The following PXDNL variants were observed in gnomAD, a reference collection of about 807,000 sequenced individuals.
PXDNL encodes the protein probable oxidoreductase PXDNL.
A neutral mutation model predicts 150.8 loss-of-function variants in PXDNL; 145 were observed. The ratio of observed to expected loss-of-function variants is 0.96; its 90% CI spans 0.84 to 1.10. The LOEUF is 1.10. Ranked by LOEUF, PXDNL falls within the 50% of genes least tolerant of loss-of-function variation. PXDNL has a pLI of 0.00. For missense variants in PXDNL, 2,087 were observed against 1,873.9 expected (o/e 1.11, Z -2.10); for synonymous variants, 757 against 725.7 (o/e 1.04, Z -0.69).
intron 3 of PXDNL, among the ~76,000 whole-genome samples, chr8:51,591,477 G>A (rs1316696123): frequency 1.1e-4 from 15 of 141,868 alleles, no homozygotes; most frequent in Admixed American, 2.9e-4. Flanking sequence ...CAGTGGTTTC[G>A]GGAGATACTA....
At chr8:51,568,478 TA>T (rs2130584061) in intron 3 of PXDNL, among the ~76,000 whole-genome samples, 1 of 152,038 alleles carries the variant, frequency 6.6e-6, no homozygotes, top group African/African-American at 2.4e-5. Context: ...GTGTAATTTG[TA>T]TCCTTTTTCC....
intron 4 of PXDNL, among the ~76,000 whole-genome samples, chr8:51,530,737 C>A (rs1464489157): frequency 6.6e-6 from 1 of 152,150 alleles, no homozygotes; most frequent in Admixed American, 6.5e-5. Flanking sequence ...TCCCTCCAGG[C>A]CTCAGTCCTG....
intron 1 of PXDNL, among the ~76,000 whole-genome samples, chr8:51,674,956 C>T (rs745383550): frequency 5.3e-5 from 8 of 152,184 alleles, no homozygotes; most frequent in Non-Finnish European, 1.0e-4. Flanking sequence ...TTTCTTAATT[C>T]GATGACCTGG....
At chr8:51,661,639 C>T (rs1815272371) in intron 1 of PXDNL, among the ~76,000 whole-genome samples, 2 of 152,100 alleles carry the variant, frequency 1.3e-5, no homozygotes, top group Non-Finnish European at 2.9e-5. Context: ...CAGCCAGCCC[C>T]CACAATTGTG....
At chr8:51,645,864 G>T (rs968112720) in intron 2 of PXDNL, among the ~76,000 whole-genome samples, 1 of 152,168 alleles carries the variant, frequency 6.6e-6, no homozygotes, top group Non-Finnish European at 1.5e-5. Flanking sequence ...AAACATAAAT[G>T]TGGAGGGCCC....
At chr8:51,618,875 TATTAAA>T (rs1215328849) in intron 2 of PXDNL, among the ~76,000 whole-genome samples, 1 of 152,188 alleles carries the variant, frequency 6.6e-6, no homozygotes, top group African/African-American at 2.4e-5. Flanking sequence ...CGGTGGTTCT[TATTAAA>T]AGAATGGTGA....
chr8:51,709,716 T>G (rs1816456197), intron 1 of PXDNL, among the ~76,000 whole-genome samples: 1 of 152,202 alleles, frequency 6.6e-6, no homozygotes. Context: ...AGATTTTATG[T>G]AGTCATTAAA....
intron 14 of PXDNL, among the ~76,000 whole-genome samples, chr8:51,419,196 G>A (rs866934116): frequency 6.6e-6 from 1 of 152,152 alleles, no homozygotes; most frequent in Non-Finnish European, 1.5e-5. Context: ...TTTCAGAGGA[G>A]ATAACATTGC....
intron 3 of PXDNL, among the ~76,000 whole-genome samples, chr8:51,573,475 C>T: frequency 6.6e-6 from 1 of 151,884 alleles, no homozygotes; most frequent in East Asian, 1.9e-4. Context: ...ATGATGCCAC[C>T]CCCACTACAT....
chr8:51,372,582 G>A (rs965027053), intron 18 of PXDNL, among the ~76,000 whole-genome samples: 6 of 151,968 alleles, frequency 3.9e-5, no homozygotes, highest in African/African-American at 7.3e-5. Context: ...ACGGGGATTC[G>A]CCATGTTGGC....
chr8:51,660,754 G>A (rs1414984647), intron 1 of PXDNL, among the ~76,000 whole-genome samples: 3 of 152,168 alleles, frequency 2.0e-5, no homozygotes, highest in Non-Finnish European at 2.9e-5. Flanking sequence ...GGGCAGGAGG[G>A]AGAAGCTGAT....
intron 4 of PXDNL, among the ~76,000 whole-genome samples, chr8:51,553,488 C>T (rs949071499): frequency 6.6e-6 from 1 of 152,168 alleles, no homozygotes; most frequent in Non-Finnish European, 1.5e-5. Flanking sequence ...ACTACGGACT[C>T]TGTAAGTAAG....
At chr8:51,763,512 C>T (rs898023096) in intron 1 of PXDNL, among the ~76,000 whole-genome samples, 19 of 152,164 alleles carry the variant, frequency 1.2e-4, no homozygotes, top group Admixed American at 6.5e-4. Context: ...GAAAAAGGGA[C>T]GCAGGACCCC....
In PXDNL at chr8:51,530,187, T is replaced by C. The variant is rs111889045; in HGVS notation, c.380+26653A>G. Among the ~76,000 whole-genome samples the C allele has an allele frequency of 6.4e-3, 977 of 152,294 alleles. 4 individuals are homozygous for C. Among genetic ancestry groups the C allele is most frequent in the African/African-American group, 0.022 (931 of 41,560 alleles). Reference sequence around the variant, plus strand: ...TTGGGAGACCAATATTTGAGAGTCATCATTGTATGGATACAATTTAAATTC... The same window carrying C: ...TTGGGAGACCAATATTTGAGAGTCACCATTGTATGGATACAATTTAAATTC... On this transcript the variant is annotated intron_variant, in intron 4 of 22. Transcript: ENST00000356297.
Position 51,619,124 on chromosome 8 carries a change from C to A in PXDNL, c.237-26426G>T, listed in dbSNP as rs533308536. Among the ~76,000 whole-genome samples, 11 of 152,278 alleles carry A rather than the reference C, an allele frequency of 7.2e-5. No homozygotes were observed. The South Asian group carries it at 2.1e-3, about 29-fold the overall frequency. The stretch of plus-strand genomic sequence containing the variant: ...CTGTCTCTCACCATTCATTCTCCCT[C>A]AAGTCTAGCCATAATAACTAGAATT... On this transcript the variant is annotated intron_variant, in intron 2 of 22. Transcript: ENST00000356297.
intron 3 of PXDNL, among the ~76,000 whole-genome samples, chr8:51,565,345 A>ATAGATAGATAGATAG (rs1563466651): frequency 8.7e-6 from 1 of 114,804 alleles, no homozygotes; most frequent in South Asian, 3.1e-4. Flanking sequence ...TAGATAGATA[A>ATAGATAGATAGATAG]ATAAATAAAT....
intron 21 of PXDNL, among the ~76,000 whole-genome samples, chr8:51,331,272 A>C (rs1236827699): frequency 6.6e-6 from 1 of 152,190 alleles, no homozygotes; most frequent in East Asian, 1.9e-4. Flanking sequence ...GAGTTGAGTT[A>C]GAGAGCCAAG....
chr8:51,428,227 A>G (rs1809160850), intron 12 of PXDNL, among the ~76,000 whole-genome samples: 3 of 152,382 alleles, frequency 2.0e-5, no homozygotes, highest in African/African-American at 7.2e-5. Flanking sequence ...AGATTTAAAA[A>G]AATGAATAAG....
intron 14 of PXDNL, among the ~76,000 whole-genome samples, chr8:51,418,424 C>G (rs916788456): frequency 6.6e-5 from 10 of 152,130 alleles, no homozygotes; most frequent in Admixed American, 3.3e-4. Context: ...ATAAATATAA[C>G]TAATGAAAAT....
Sources: allele counts gnomAD v4.1 joint callset (sites outside exome capture counted in the v4.1 genomes callset), GRCh38; gene constraint gnomAD v4.1.1; transcripts MANE v1.5; gene names NCBI Gene and HGNC (gene_info 2026-07-23, HGNC 2026-07-21).